Variants in ANKDD1A observed in about 807,000 individuals in gnomAD.
ANKDD1A encodes ankyrin repeat and death domain-containing protein 1A.
ANKDD1A carries 59 observed loss-of-function variants against 63.5 expected under a neutral mutation model. The ratio of observed to expected loss-of-function variants is 0.93; its 90% confidence interval spans 0.75 to 1.15. ANKDD1A has a LOEUF of 1.15. ANKDD1A is among the 50% of genes most tolerant of loss of function. The probability of loss-of-function intolerance (pLI) is 0.00; values close to 1 mark genes in which losing one functional copy is unlikely to be tolerated. For missense variants in ANKDD1A, 632 were observed against 656.4 expected (o/e 0.96, Z 0.41); for synonymous variants, 266 against 263.9 (o/e 1.01, Z -0.08).
chr15:64,915,574 C>T (rs1296996061), intron 1 of ANKDD1A, among the ~76,000 whole-genome samples: 1 of 152,196 alleles, frequency 6.6e-6, no homozygotes, highest in Non-Finnish European at 1.5e-5. Flanking sequence ...GGTTTCACCA[C>T]GTCCTGGTTG....
At chr15:64,926,611 T>C (rs1397081113) in intron 5 of ANKDD1A, among the ~76,000 whole-genome samples, 3 of 151,804 alleles carry the variant, frequency 2.0e-5, no homozygotes, top group African/African-American at 7.3e-5. Flanking sequence ...TGGTTGGGGG[T>C]CCCTCTGGCG....
chr15:64,929,651 A>T (rs1184810995), intron 6 of ANKDD1A, among the ~76,000 whole-genome samples: 3 of 152,204 alleles, frequency 2.0e-5, no homozygotes, highest in African/African-American at 7.2e-5. Flanking sequence ...AGTCCCAGGG[A>T]CACATGTCAA....
At chr15:64,946,602 C>G (rs1373137819) in intron 12 of ANKDD1A, among the ~76,000 whole-genome samples, 1 of 152,190 alleles carries the variant, frequency 6.6e-6, no homozygotes, top group Non-Finnish European at 1.5e-5. Context: ...CCCTGGACCC[C>G]TAGGCCAATT....
In ANKDD1A at chr15:64,927,005, G is replaced by A. The variant is rs774000189; in HGVS notation, c.570+6G>A. The A allele has an allele frequency of 5.1e-5, 82 of 1,613,956 alleles. No homozygotes were observed. The highest frequency in any genetic ancestry group is 2.9e-4 in the South Asian group (26 of 91,090). On this transcript the variant is annotated splice_donor_region_variant and intron_variant, in intron 6 of 14. Transcript: ENST00000319580. The stretch of plus-strand genomic sequence containing the variant: ...ACCACAATGTCAAAGACAAGGTACC[G>A]TGTCCGTGAGGCTCTGGGATCCTGA...
chr15:64,947,686 G>C, intron 13 of ANKDD1A, 93 bp downstream of exon 13: 1 of 1,460,326 alleles, frequency 6.8e-7, no homozygotes, highest in Non-Finnish European at 9.2e-7. Flanking sequence ...CTGGTGAAAG[G>C]GCCTGTGCAA....
chr15:64,926,539 C>G (rs188542586), intron 5 of ANKDD1A, among the ~76,000 whole-genome samples: 9 of 151,956 alleles, frequency 5.9e-5, no homozygotes, highest in African/African-American at 2.2e-4. Context: ...GCTTTAGGGA[C>G]AGGAAAGGGC....
At chr15:64,931,345 T>G in intron 7 of ANKDD1A, 142 bp from the exon 8 acceptor site, 1 of 711,646 alleles carries the variant, frequency 1.4e-6, no homozygotes, top group Non-Finnish European at 2.3e-6. Context: ...ACAAGAAAGT[T>G]CATTGTTCCC....
In ANKDD1A at chr15:64,943,475, C is replaced by T. The variant is rs773880722; in HGVS notation, c.967-9C>T. On this transcript the variant is annotated splice_polypyrimidine_tract_variant and intron_variant, in intron 10 of 14. Coordinates refer to ENST00000319580, the MANE Select transcript of ANKDD1A (RefSeq NM_182703.6). Reference sequence around the variant, plus strand: ...TTTCACTTACCTATTCCCTTGGCTTCTCCCCTAGAGGCAGCAGACGCCCCT... The same window carrying T: ...TTTCACTTACCTATTCCCTTGGCTTTTCCCCTAGAGGCAGCAGACGCCCCT... 6.2e-7 allele frequency: 1 copy of T among 1,614,022 alleles called. No individual in the cohort carries two copies. The highest frequency in any genetic ancestry group is 1.1e-5 in the South Asian group (1 of 91,082).
At chr15:64,952,020 CTTCT>C (rs1488439348) in intron 14 of ANKDD1A, among the ~76,000 whole-genome samples, 3 of 145,862 alleles carry the variant, frequency 2.1e-5, no homozygotes, top group Middle Eastern at 3.8e-3. Flanking sequence ...CATCTTCTAT[CTTCT>C]TTTTCTTCTT....
intron 14 of ANKDD1A, among the ~76,000 whole-genome samples, chr15:64,954,968 CCTTGTTCT>C (rs2085404087): frequency 6.6e-6 from 1 of 150,388 alleles, no homozygotes; most frequent in African/African-American, 2.4e-5. Flanking sequence ...TTCTTCTTCT[CCTTGTTCT>C]TCTCCTGCTT....
chr15:64,949,245 G>A (rs2140383532), intron 13 of ANKDD1A, among the ~76,000 whole-genome samples: 1 of 152,332 alleles, frequency 6.6e-6, no homozygotes, highest in East Asian at 1.9e-4. Context: ...ATGGTTGTAT[G>A]TTGGAACCAC....
At chr15:64,942,672 C>CTTTTTT in intron 10 of ANKDD1A, 107 bp downstream of exon 10, 3 of 474,626 alleles carry the variant, frequency 6.3e-6, no homozygotes, top group South Asian at 3.3e-5. Flanking sequence ...TGAGGAATCA[C>CTTTTTT]TTTTTTTTTT....
At chr15:64,925,024 C>T (rs761571356) in intron 4 of ANKDD1A, among the ~76,000 whole-genome samples, 1 of 151,334 alleles carries the variant, frequency 6.6e-6, no homozygotes. Flanking sequence ...TTCGGGAGTT[C>T]GAAACCAGCC....
At chr15:64,928,123 C>G (rs1358670974) in intron 6 of ANKDD1A, among the ~76,000 whole-genome samples, 2 of 152,198 alleles carry the variant, frequency 1.3e-5, no homozygotes, top group Non-Finnish European at 2.9e-5. Context: ...GAGGGACATG[C>G]CTTAGCCAGG....
At chr15:64,945,001 C>T (rs1003029755) in intron 12 of ANKDD1A, among the ~76,000 whole-genome samples, 3 of 152,178 alleles carry the variant, frequency 2.0e-5, no homozygotes, top group African/African-American at 4.8e-5. Context: ...CTGTAGCTTC[C>T]AGCTGATGAA....
chr15:64,920,707 A>G (rs72737298), intron 3 of ANKDD1A, among the ~76,000 whole-genome samples: 6,114 of 152,122 alleles, frequency 0.04, 195 homozygotes, highest in African/African-American at 0.082. Context: ...ACGTACCACC[A>G]TGCCCAGCCA....
At chr15:64,934,665 A>G (rs1174961957) in intron 9 of ANKDD1A, among the ~76,000 whole-genome samples, 1 of 47,506 alleles carries the variant, frequency 2.1e-5, no homozygotes, top group Non-Finnish European at 5.2e-5. Context: ...ATGCCCAGCT[A>G]ATTTTTTTTT....
At chr15:64,934,309 G>T in intron 9 of ANKDD1A, 75 bp downstream of exon 9, 1 of 1,402,818 alleles carries the variant, frequency 7.1e-7, no homozygotes. Context: ...AGCACAGGGA[G>T]AAACAGGCAC....
At chr15:64,928,105 T>C (rs557086350) in intron 6 of ANKDD1A, among the ~76,000 whole-genome samples, 9 of 152,326 alleles carry the variant, frequency 5.9e-5, no homozygotes, top group Non-Finnish European at 1.0e-4. Flanking sequence ...TGGAAACTGA[T>C]GCCCAGAGAG....
Sources: gnomAD v4.1 joint callset for allele counts (sites outside exome capture counted in the v4.1 genomes callset) on GRCh38, gnomAD v4.1.1 for gene constraint, MANE v1.5 for transcripts, NCBI Gene and HGNC (gene_info 2026-07-23, HGNC 2026-07-21) for gene names.